CSMD1: variants seen among roughly 807,000 people sequenced by gnomAD.
CSMD1 encodes the protein CUB and Sushi multiple domains 1.
A neutral mutation model predicts 417.5 loss-of-function variants in CSMD1; 213 were observed. The ratio of observed to expected loss-of-function variants is 0.51; its 90% confidence interval spans 0.46 to 0.57. The LOEUF is 0.57. Among genes scored for constraint, CSMD1 ranks in the 20% least tolerant of loss-of-function variants. The pLI, the probability that CSMD1 is intolerant of heterozygous loss-of-function variation, is 0.00. For synonymous variants in CSMD1, 2,862 were observed against 1,736.8 expected, an observed-to-expected ratio of 1.65 and a Z score of -16.11; for missense variants, 6,923 against 4,529.7, an observed-to-expected ratio of 1.53 and a Z score of -15.17.
chr8:3,297,526 C>G (rs886840749), intron 25 of CSMD1, among the ~76,000 whole-genome samples: 2 of 152,152 alleles, frequency 1.3e-5, no homozygotes, highest in East Asian at 3.9e-4. Context: ...ATCTAGTTGT[C>G]TCGTTAATTA....
At chr8:4,000,567 C>T (rs942743179) in intron 4 of CSMD1, among the ~76,000 whole-genome samples, 1 of 152,200 alleles carries the variant, frequency 6.6e-6, no homozygotes, top group Non-Finnish European at 1.5e-5. Flanking sequence ...GTGACTCATA[C>T]TCTACGTTGT....
chr8:3,974,452 G>T (rs934529179), intron 5 of CSMD1, among the ~76,000 whole-genome samples: 1 of 152,036 alleles, frequency 6.6e-6, no homozygotes, highest in Non-Finnish European at 1.5e-5. Context: ...GCAAATAATA[G>T]TATATGGCTA....
In CSMD1 at chr8:3,782,132, C is replaced by A. The variant is rs534640945; in HGVS notation, c.819-28090G>T. Among the ~76,000 whole-genome samples the A allele has an allele frequency of 7.2e-4, 109 of 152,188 alleles. 1 individual carries two copies. The highest frequency in any genetic ancestry group is 2.5e-3 in the African/African-American group (102 of 41,538). ...GAAGAATGTAGGGGTCATATAATTTCTTTTTTTCTCATTTAAAAGAGAAAA... is the reference window on the plus strand; with the variant it reads ...GAAGAATGTAGGGGTCATATAATTTATTTTTTTCTCATTTAAAAGAGAAAA... On this transcript the variant is annotated intron_variant, in intron 5 of 69. Transcript: ENST00000635120.
intron 4 of CSMD1, among the ~76,000 whole-genome samples, chr8:4,023,781 TTTTGTG>T (rs1357986912): frequency 1.6e-4 from 14 of 87,868 alleles, no homozygotes; most frequent in African/African-American, 4.8e-4. Flanking sequence ...TTTTTTTTTT[TTTTGTG>T]TGTGTATTTT....
intron 44 of CSMD1, among the ~76,000 whole-genome samples, chr8:3,108,356 T>G (rs1408302571): frequency 6.6e-6 from 1 of 152,242 alleles, no homozygotes; most frequent in Non-Finnish European, 1.5e-5. Context: ...TCAATGGTCT[T>G]CATCTTAGAG....
At chr8:4,760,903 G>T (rs553238611) in intron 1 of CSMD1, among the ~76,000 whole-genome samples, 1 of 152,158 alleles carries the variant, frequency 6.6e-6, no homozygotes, top group Non-Finnish European at 1.5e-5. Flanking sequence ...TGCAGCAGAA[G>T]TTATGGTAGC....
chr8:4,407,012 G>C (rs1452284049), intron 3 of CSMD1, among the ~76,000 whole-genome samples: 2 of 152,176 alleles, frequency 1.3e-5, no homozygotes, highest in Non-Finnish European at 2.9e-5. Flanking sequence ...CCACACCATA[G>C]CTACGGGTCC....
At chr8:4,138,466 T>C (rs1803574234) in intron 3 of CSMD1, among the ~76,000 whole-genome samples, 4 of 151,998 alleles carry the variant, frequency 2.6e-5, no homozygotes, top group African/African-American at 9.7e-5. Flanking sequence ...CAGGAGGAAA[T>C]GCCTACAAGT....
intron 5 of CSMD1, among the ~76,000 whole-genome samples, chr8:3,965,620 T>C (rs990013251): frequency 6.6e-6 from 1 of 152,048 alleles, no homozygotes; most frequent in African/African-American, 2.4e-5. Flanking sequence ...TTTTATTTAT[T>C]TATTTATTTA....
At chr8:3,494,753 A>G (rs1254129543) in intron 10 of CSMD1, among the ~76,000 whole-genome samples, 1 of 152,220 alleles carries the variant, frequency 6.6e-6, no homozygotes, top group Non-Finnish European at 1.5e-5. Flanking sequence ...AGGAAGGCGG[A>G]AGAGAGAAGG....
At chr8:4,965,946 A>C (rs190052080) in intron 1 of CSMD1, among the ~76,000 whole-genome samples, 1 of 152,172 alleles carries the variant, frequency 6.6e-6, no homozygotes, top group Non-Finnish European at 1.5e-5. Flanking sequence ...ATCTCTCAAC[A>C]TGTGTGAGCA....
rs191446010 is a variant in CSMD1, at chr8:4,778,347, T to G, written c.86-140789A>C. On this transcript the variant is annotated intron_variant, in intron 1 of 69. Transcript: ENST00000635120. ...CATATGTGGCCTATGATATCCCCAT[T>G]GTTTTGATGATTTTTCCACAAAACT... 2.8e-4 allele frequency among the ~76,000 whole-genome samples: 42 copies of G among 152,290 alleles called. No homozygotes were observed. The East Asian group carries it at 7.0e-3, about 25-fold the overall frequency.
intron 8 of CSMD1, among the ~76,000 whole-genome samples, chr8:3,613,081 T>A (rs1801969222): frequency 6.6e-6 from 1 of 152,006 alleles, no homozygotes; most frequent in Non-Finnish European, 1.5e-5. Flanking sequence ...TATCAAGAAT[T>A]TGAGCTGTGA....
intron 18 of CSMD1, among the ~76,000 whole-genome samples, chr8:3,386,464 C>A (rs1461685915): frequency 6.6e-6 from 1 of 152,200 alleles, no homozygotes; most frequent in Non-Finnish European, 1.5e-5. Flanking sequence ...GTGGTCTCGG[C>A]CACAGTGCCA....
At chr8:4,554,843 G>C (rs71523635) in intron 2 of CSMD1, among the ~76,000 whole-genome samples, 3 of 152,288 alleles carry the variant, frequency 2.0e-5, no homozygotes, top group Middle Eastern at 3.4e-3. Flanking sequence ...CATTGATGGG[G>C]TTAAAAGCTG....
At chr8:3,508,371 G>C (rs564949980) in intron 10 of CSMD1, among the ~76,000 whole-genome samples, 8 of 151,802 alleles carry the variant, frequency 5.3e-5, no homozygotes, top group African/African-American at 1.2e-4. Context: ...GCAGGGGGAG[G>C]GGGGAGGGAT....
chr8:4,679,008 A>G (rs894878960), intron 1 of CSMD1, among the ~76,000 whole-genome samples: 2 of 152,218 alleles, frequency 1.3e-5, no homozygotes, highest in Non-Finnish European at 2.9e-5. Flanking sequence ...CCACAGAACA[A>G]CAGGGACCTG....
chr8:4,658,237 C>A lies in CSMD1; in HGVS notation c.86-20679G>T, dbSNP rs149298549. Among the ~76,000 whole-genome samples the A allele has an allele frequency of 3.3e-3, 509 of 152,226 alleles. 3 individuals carry two copies. The highest frequency in any genetic ancestry group is 5.8e-3 in the Non-Finnish European group (396 of 67,978). On this transcript the variant is annotated intron_variant, in intron 1 of 69. Transcript: ENST00000635120. ...ATTTACTAATCAAAATAAATCAACA[C>A]ATTCGAGAAACTCAGATACGTGTAG...
intron 3 of CSMD1, among the ~76,000 whole-genome samples, chr8:4,369,247 T>C (rs145682420): frequency 1.3e-5 from 2 of 152,182 alleles, no homozygotes; most frequent in Admixed American, 1.3e-4. Context: ...CATGTAATTG[T>C]ATGGCTCTGA....
Sources: gnomAD v4.1 joint callset for allele counts (sites outside exome capture counted in the v4.1 genomes callset) on GRCh38, gnomAD v4.1.1 for gene constraint, MANE v1.5 for transcripts, NCBI Gene and HGNC (gene_info 2026-07-23, HGNC 2026-07-21) for gene names.